ZNF407: variants seen among roughly 807,000 people sequenced by gnomAD.
ZNF407 encodes zinc finger protein 407.
ZNF407 carries 17 observed loss-of-function variants against 131.2 expected under a neutral mutation model. The observed-to-expected ratio is 0.13, with a 90% CI of 0.09 to 0.19. The LOEUF is 0.19. Ranked by LOEUF, ZNF407 falls within the 10% of genes least tolerant of loss-of-function variation. The probability of loss-of-function intolerance (pLI) is 1.00; values close to 1 mark genes in which losing one functional copy is unlikely to be tolerated. For synonymous variants in ZNF407, 1,156 were observed against 1,062.0 expected (o/e 1.09, Z -1.72); for missense variants, 2,681 against 2,830.6 (o/e 0.95, Z 1.20).
intron 8 of ZNF407, chr18:75,061,479 C>T (rs35544423): frequency 0.11 from 17,311 of 152,322 alleles, 1,037 homozygotes; most frequent in South Asian, 0.17. Context: ...TGCCCTGAGT[C>T]GCCAGTGACA....
intron 8 of ZNF407, among the ~76,000 whole-genome samples, chr18:74,921,982 G>C (rs1482102434): frequency 6.6e-6 from 1 of 152,110 alleles, no homozygotes; most frequent in Non-Finnish European, 1.5e-5. Flanking sequence ...CATATTTCTC[G>C]ATTGATGTTC....
chr18:74,932,468 G>C (rs1322557644), intron 8 of ZNF407, among the ~76,000 whole-genome samples: 1 of 152,022 alleles, frequency 6.6e-6, no homozygotes, highest in Non-Finnish European at 1.5e-5. Flanking sequence ...CCTCAGCTTC[G>C]TGTGTCCATC....
At chr18:74,623,159 TGTGTGTGTAC>T (rs1366652368) in intron 1 of ZNF407, among the ~76,000 whole-genome samples, 1 of 5,308 alleles carries the variant, frequency 1.9e-4, no homozygotes, top group African/African-American at 3.5e-4. Context: ...TGTGAGTGCG[TGTGTGTGTAC>T]GTGTGAATGT....
In ZNF407 at chr18:74,650,761, T is replaced by A. The variant is rs540839626; in HGVS notation, c.4802+9639T>A. ...TGTTACCCCAAAGAACACATTATCT[T>A]AAGGTGTAGAAAAAAATTTACTGGC... On this transcript the variant is annotated intron_variant, in intron 3 of 8. Transcript: ENST00000299687. Among the ~76,000 whole-genome samples, 17 of 152,288 alleles carry A rather than the reference T, an allele frequency of 1.1e-4. No individual in the cohort carries two copies. The South Asian group carries it at 3.3e-3, about 30-fold the overall frequency.
chr18:75,012,193 A>G (rs1266580057), intron 8 of ZNF407, among the ~76,000 whole-genome samples: 2 of 152,062 alleles, frequency 1.3e-5, no homozygotes, highest in Non-Finnish European at 2.9e-5. Context: ...CTGTGCTGAA[A>G]TCCATTTTCC....
chr18:75,048,271 C>T lies in ZNF407; in HGVS notation c.5429-14879C>T, dbSNP rs758830008. On this transcript the variant is annotated intron_variant, in intron 8 of 8. Transcript: ENST00000299687. This position sits in a 1 kb window ranked among gnomAD's most constrained non-coding sequence, Gnocchi z 4.1. Reference sequence around the variant, plus strand: ...ATTTCGTGGTCTTTCTGGTATTATGCGTCAGAGGCCTAATTTTTGTCTACA... The same window carrying T: ...ATTTCGTGGTCTTTCTGGTATTATGTGTCAGAGGCCTAATTTTTGTCTACA... Among the ~76,000 whole-genome samples, 7 of 152,190 alleles carry T rather than the reference C, an allele frequency of 4.6e-5. No individual in the cohort carries two copies. The highest frequency in any genetic ancestry group is 6.5e-5 in the Admixed American group (1 of 15,284).
In ZNF407 at chr18:74,632,544, C is replaced by T. The variant is rs2144665590; in HGVS notation, c.1525C>T (p.Pro509Ser). 6.2e-7 allele frequency: 1 copy of T among 1,614,034 alleles called. No homozygotes were observed. Among genetic ancestry groups the T allele is most frequent in the South Asian group, 1.1e-5 (1 of 91,090 alleles). Residue 509 changes from proline (P) to serine (S), a missense_variant, in exon 2 of 9, where the codon CCG becomes TCG. Coordinates refer to ENST00000299687, the MANE Select transcript of ZNF407 (RefSeq NM_017757.3). ...GCAGGGCCAGGGGAGTGCCCGTCCTCCGGACTCCGGGCTGCATTCCCTGAC... is the reference window on the plus strand; with the variant it reads ...GCAGGGCCAGGGGAGTGCCCGTCCTTCGGACTCCGGGCTGCATTCCCTGAC... ...AEQGQGSARP[P>S]DSGLHSLTVK...
intron 6 of ZNF407, among the ~76,000 whole-genome samples, chr18:74,889,203 T>G (rs1971351468): frequency 6.6e-6 from 1 of 152,134 alleles, no homozygotes; most frequent in Admixed American, 6.5e-5. Context: ...TGCAGGATAT[T>G]CTCACCACAA....
At chr18:74,714,275 A>C (rs1369386354) in intron 3 of ZNF407, among the ~76,000 whole-genome samples, 1 of 152,228 alleles carries the variant, frequency 6.6e-6, no homozygotes, top group East Asian at 1.9e-4. Context: ...ACTTCTTATA[A>C]GTCTGTGGTC....
At chr18:74,708,856 CA>C (rs1408109878) in intron 3 of ZNF407, among the ~76,000 whole-genome samples, 1 of 152,218 alleles carries the variant, frequency 6.6e-6, no homozygotes, top group East Asian at 1.9e-4. Flanking sequence ...CCCAGATGTA[CA>C]CACTACATGA....
chr18:74,657,591 G>T (rs1295455737), intron 3 of ZNF407, among the ~76,000 whole-genome samples: 2 of 152,122 alleles, frequency 1.3e-5, no homozygotes, highest in African/African-American at 2.4e-5. Flanking sequence ...TCTTTGCGAT[G>T]GTGTATGCTC....
At chr18:74,978,931 C>T (rs1972557229) in intron 8 of ZNF407, among the ~76,000 whole-genome samples, 2 of 152,106 alleles carry the variant, frequency 1.3e-5, no homozygotes, top group South Asian at 4.2e-4. Flanking sequence ...CAGGAACCAT[C>T]GGGAGAGGCG....
intron 3 of ZNF407, among the ~76,000 whole-genome samples, chr18:74,689,079 T>C (rs1368836245): frequency 2.0e-5 from 3 of 152,166 alleles, no homozygotes; most frequent in Non-Finnish European, 4.4e-5. Context: ...TTGCCCACTT[T>C]GACCTCCCAA....
chr18:75,041,578 C>G (rs937794576), intron 8 of ZNF407, among the ~76,000 whole-genome samples: 4 of 151,642 alleles, frequency 2.6e-5, no homozygotes, highest in Admixed American at 1.3e-4. Context: ...TTGTAGGTCT[C>G]TCACATTCGG....
chr18:74,991,292 G>C (rs964169229), intron 8 of ZNF407, among the ~76,000 whole-genome samples: 2 of 152,152 alleles, frequency 1.3e-5, no homozygotes, highest in Non-Finnish European at 2.9e-5. Flanking sequence ...CTTCGATTTG[G>C]GTTATGTTTA....
chr18:74,625,080 G>A (rs144799468), intron 1 of ZNF407, among the ~76,000 whole-genome samples: 3 of 152,282 alleles, frequency 2.0e-5, no homozygotes, highest in African/African-American at 4.8e-5. Flanking sequence ...TTCCTTTCAT[G>A]TGGTAGCATT....
intron 8 of ZNF407, among the ~76,000 whole-genome samples, chr18:75,014,029 C>A (rs190584744): frequency 3.1e-4 from 46 of 150,406 alleles, no homozygotes; most frequent in African/African-American, 8.8e-4. Flanking sequence ...AAGAAAAAAG[C>A]CTTCAACTTC....
chr18:74,863,398 A>G (rs1387339518), intron 4 of ZNF407, among the ~76,000 whole-genome samples: 1 of 152,070 alleles, frequency 6.6e-6, no homozygotes, highest in Non-Finnish European at 1.5e-5. Context: ...TACAACACAC[A>G]TCTCTACATA....
chr18:74,608,353 T>A (rs1982899817), intron 1 of ZNF407, among the ~76,000 whole-genome samples: 1 of 148,912 alleles, frequency 6.7e-6, no homozygotes, highest in Non-Finnish European at 1.5e-5. Context: ...TCTTTTAGAT[T>A]TCTTTTTTTT....
Sources: gnomAD v4.1 joint callset for allele counts (sites outside exome capture counted in the v4.1 genomes callset) on GRCh38, gnomAD v4.1.1 for gene constraint, Gnocchi (gnomAD v3.1) non-coding constraint, MANE v1.5 for transcripts, NCBI Gene and HGNC (gene_info 2026-07-23, HGNC 2026-07-21) for gene names.